Variants in ZSCAN32 observed in about 807,000 individuals in gnomAD.
ZSCAN32 encodes the protein zinc finger and SCAN domain-containing protein 32.
ZSCAN32 carries 52 observed loss-of-function variants against 47.4 expected under a neutral mutation model. The observed-to-expected ratio is 1.10, with a 90% CI of 0.88 to 1.38. ZSCAN32 has a LOEUF of 1.38. Among genes scored for constraint, ZSCAN32 ranks in the 40% most tolerant of loss-of-function variants. The probability of loss-of-function intolerance (pLI) is 0.00; values close to 1 mark genes in which losing one functional copy is unlikely to be tolerated. For missense variants in ZSCAN32, 959 were observed against 846.0 expected (o/e 1.13, Z -1.66); for synonymous variants, 346 against 305.7 (o/e 1.13, Z -1.38).
At chr16:3,388,581 C>T (rs976080053) in intron 5 of ZSCAN32, among the ~76,000 whole-genome samples, 3 of 152,196 alleles carry the variant, frequency 2.0e-5, no homozygotes, top group African/African-American at 7.2e-5. Flanking sequence ...CGACCTAGAA[C>T]TAGGTCTGAG....
Position 3,393,824 on chromosome 16 carries a change from G to T in ZSCAN32, c.367-10C>A. Reference sequence around the variant, plus strand: ...TCTCAGAATCTAGAACCTGAGAACAGACCCCATTATCTATCACTACAAATT... The same window carrying T: ...TCTCAGAATCTAGAACCTGAGAACATACCCCATTATCTATCACTACAAATT... On this transcript the variant is annotated splice_polypyrimidine_tract_variant and intron_variant, in intron 2 of 6. Transcript: ENST00000396852. 1 of 1,540,052 alleles carries T rather than the reference G, an allele frequency of 6.5e-7. No homozygotes were observed. The highest frequency in any genetic ancestry group is 1.2e-5 in the South Asian group (1 of 83,106).
At chr16:3,393,495 G>T (rs1257087803) in intron 3 of ZSCAN32, among the ~76,000 whole-genome samples, 154 bp downstream of exon 3, 4 of 151,134 alleles carry the variant, frequency 2.6e-5, no homozygotes, top group Non-Finnish European at 4.4e-5. Flanking sequence ...AAGGTGCTGG[G>T]ATTACAGGCG....
chr16:3,387,180 A>G (rs1349159491), intron 5 of ZSCAN32, among the ~76,000 whole-genome samples: 2 of 152,164 alleles, frequency 1.3e-5, no homozygotes, highest in Non-Finnish European at 2.9e-5. Context: ...GTGGCTGGCA[A>G]TAAGGGTAGT....
chr16:3,397,117 A>C, intron 2 of ZSCAN32, 75 bp downstream of exon 2: 1 of 1,460,048 alleles, frequency 6.8e-7, no homozygotes, highest in South Asian at 1.5e-5. Flanking sequence ...TTTCTCAACC[A>C]AGCACCTCTC....
intron 3 of ZSCAN32, 58 bp from the exon 4 acceptor site, chr16:3,390,575 A>G (rs1237886204): frequency 2.0e-5 from 28 of 1,390,472 alleles, no homozygotes; most frequent in Non-Finnish European, 2.7e-5. Flanking sequence ...CACAGAGCAG[A>G]AGCTCTCAAA....
Position 3,397,684 on chromosome 16 carries a change from A to C in ZSCAN32, c.-127T>G. 4 of 1,272,050 alleles carry C rather than the reference A, an allele frequency of 3.1e-6. No individual in the cohort carries two copies. Among genetic ancestry groups the C allele is most frequent in the Non-Finnish European group, 4.2e-6 (4 of 949,630 alleles). The allele number at this position is 1,272,050 out of a possible 1,614,324, so 78.8% of individuals were successfully genotyped here. ...GTCTTTCTGTAATCCGTGGGACATG[A>C]GAGTGTCAGACATGTGTAGAGACTC... On this transcript the variant is annotated 5_prime_UTR_variant, in exon 2 of 7. Transcript: ENST00000396852.
In ZSCAN32 at chr16:3,382,758, T is replaced by C. The variant is rs971259948; in HGVS notation, c.*94A>G. 34 of 1,498,136 alleles carry C rather than the reference T, an allele frequency of 2.3e-5. No individual in the cohort carries two copies. In the East Asian group the frequency reaches 6.6e-4, roughly 29 times the overall value. The allele number at this position is 1,498,136 out of a possible 1,614,324, so 92.8% of individuals were successfully genotyped here. On this transcript the variant is annotated 3_prime_UTR_variant, in exon 7 of 7. Transcript: ENST00000396852. ...TAAGATCCAGTAGTCAGTAGGTCTG[T>C]TGCAAAGTCAGGGACTGGCTAGATC...
intron 1 of ZSCAN32, 66 bp from the exon 2 acceptor site, chr16:3,397,810 T>G: frequency 2.5e-6 from 1 of 400,492 alleles, no homozygotes. Context: ...TCTTGTGATT[T>G]ACTTCCTATC....
Position 3,390,120 on chromosome 16 carries a change from C to G in ZSCAN32, c.641G>C (p.Arg214Pro). Residue 214 changes from arginine to proline, a missense_variant, in exon 5 of 7, where the codon CGT becomes CCT. Arg to Pro is a moderately radical substitution (Grantham distance 103). Transcript: ENST00000396852. Reference protein sequence around the residue: ...WTAGSQGPAMRDNRAVSLCQQ... With the variant: ...WTAGSQGPAMPDNRAVSLCQQ... ...ACAGAGGGATACAGCTCTGTTGTCA[C>G]GCATGGCTGGTCCCTGTAACAACAC... 6.2e-7 allele frequency: 1 copy of G among 1,611,742 alleles called. No homozygotes were observed.
At chr16:3,394,941 C>G (rs2033225854) in intron 2 of ZSCAN32, among the ~76,000 whole-genome samples, 1 of 152,222 alleles carries the variant, frequency 6.6e-6, no homozygotes, top group Admixed American at 6.5e-5. Flanking sequence ...CAGCCTATCT[C>G]CCAACACTCC....
intron 5 of ZSCAN32, among the ~76,000 whole-genome samples, chr16:3,389,411 GTC>G (rs1310993057): frequency 2.0e-5 from 3 of 152,206 alleles, no homozygotes; most frequent in African/African-American, 7.2e-5. Context: ...GAGCTGCAGT[GTC>G]TGTCTCTGAA....
In ZSCAN32 at chr16:3,389,183, G is replaced by C. The variant is rs141612929; in HGVS notation, c.751+827C>G. 3.2e-3 allele frequency among the ~76,000 whole-genome samples: 484 copies of C among 152,310 alleles called. 3 individuals are homozygous for C. Among genetic ancestry groups the C allele is most frequent in the African/African-American group, 0.011 (440 of 41,568 alleles). On this transcript the variant is annotated intron_variant, in intron 5 of 6. Coordinates refer to ENST00000396852, the MANE Select transcript of ZSCAN32 (RefSeq NM_001284527.2). The stretch of plus-strand genomic sequence containing the variant: ...GAAGCAGCAGCAAGAAATGGCACAT[G>C]ATGAAGCCAGGAAACTGGGAGTTCC...
In ZSCAN32 at chr16:3,390,077, GCA is replaced by G; in HGVS notation, c.682_683del (p.Cys228ProfsTer31). ...AVSLCQQEWM[C>X]PGPAQRALYR... is the part of the protein sequence containing the mutation. ...AGAGGGCCCTTTGTGCAGGGCCTGGGCACATCCATTCTTGCTGACAGAGGGAT... is the reference window on the plus strand; with the variant it reads ...AGAGGGCCCTTTGTGCAGGGCCTGGGCATCCATTCTTGCTGACAGAGGGAT... On this transcript the variant is annotated frameshift_variant, in exon 5 of 7. Coordinates refer to ENST00000396852, the MANE Select transcript of ZSCAN32 (RefSeq NM_001284527.2). LOFTEE classifies it high-confidence loss of function. 1 of 1,614,022 alleles carries G rather than the reference GCA, an allele frequency of 6.2e-7. No homozygotes were observed. The highest frequency in any genetic ancestry group is 1.1e-5 in the South Asian group (1 of 91,026).
At chr16:3,388,077 A>T (rs769458780) in intron 5 of ZSCAN32, among the ~76,000 whole-genome samples, 1 of 152,212 alleles carries the variant, frequency 6.6e-6, no homozygotes, top group Non-Finnish European at 1.5e-5. Context: ...TCTTGTGCTT[A>T]TTTCTTTTGT....
At chr16:3,393,211 T>TAA (rs1247333013) in intron 3 of ZSCAN32, among the ~76,000 whole-genome samples, 1 of 21,886 alleles carries the variant, frequency 4.6e-5, no homozygotes, top group African/African-American at 3.8e-4. Flanking sequence ...TTTATATTTA[T>TAA]ATATATATAT....
intron 5 of ZSCAN32, 63 bp from the exon 6 acceptor site, chr16:3,385,004 G>A: frequency 6.5e-7 from 1 of 1,533,490 alleles, no homozygotes; most frequent in Non-Finnish European, 8.8e-7. Context: ...TGTACATACT[G>A]CAGTGTGCAG....
chr16:3,385,036 C>A, intron 5 of ZSCAN32, 95 bp from the exon 6 acceptor site: 1 of 1,444,596 alleles, frequency 6.9e-7, no homozygotes. Flanking sequence ...TAAAAAGTTA[C>A]ATCCTAGGCT....
chr16:3,382,856 A>G lies in ZSCAN32; in HGVS notation c.2090T>C (p.Leu697Ser), dbSNP rs1190987784. 3.9e-6 allele frequency: 6 copies of G among 1,556,930 alleles called. No individual in the cohort carries two copies. In the African/African-American group the frequency reaches 8.2e-5, roughly 21 times the overall value. Residue 697 changes from leucine to serine, a missense_variant, in exon 7 of 7, where the codon TTA becomes TCA. Leu to Ser is a moderately radical substitution (Grantham distance 145). Transcript: ENST00000396852. ...TCTGACAGTTTACCGACACACTCAT[A>G]ACGCATCTCTTCCTTCCTGTGATGA... The part of the protein sequence containing the change: ...VLSSQEGRDA[L>S]
In ZSCAN32 at chr16:3,384,895, A is replaced by G. The variant is rs1348000990; in HGVS notation, c.798T>C (p.Ala266=). Residue 266 remains alanine (A), a synonymous_variant, in exon 6 of 7, where the codon GCT becomes GCC. Transcript: ENST00000396852. The part of the protein sequence containing the change: ...WGYEETKTLL[A]ILSSSQFYGK... ...CATAAAATTGAGAACTACTAAGAAT[A>G]GCCAGGAGCGTCTTGGTCTCTTCAT... is the stretch of plus-strand genomic sequence containing the variant. The G allele has an allele frequency of 8.7e-6, 14 of 1,614,044 alleles. No homozygotes were observed. The highest frequency in any genetic ancestry group is 1.1e-5 in the Non-Finnish European group (13 of 1,180,038).
Sources: gnomAD v4.1 joint callset for allele counts (sites outside exome capture counted in the v4.1 genomes callset) on GRCh38, gnomAD v4.1.1 for gene constraint, MANE v1.5 for transcripts, NCBI Gene and HGNC (gene_info 2026-07-23, HGNC 2026-07-21) for gene names.